RALY: variants seen among roughly 807,000 people sequenced by gnomAD.
RALY encodes the protein RNA-binding protein Raly.
Under a neutral mutation model 30.7 loss-of-function variants are expected in RALY, and 15 were observed. The observed-to-expected ratio is 0.49, with a 90% CI of 0.33 to 0.75. The LOEUF (loss-of-function observed/expected upper bound fraction) is 0.75. Ranked by LOEUF, RALY falls within the 30% of genes least tolerant of loss-of-function variation. RALY has a pLI of 0.02. For missense variants in RALY, 339 were observed against 414.3 expected (o/e 0.82, Z 1.58); for synonymous variants, 177 against 170.8 (o/e 1.04, Z -0.28).
At chr20:33,997,240 G>A (rs569273682) in intron 1 of RALY, among the ~76,000 whole-genome samples, 136 of 152,162 alleles carry the variant, frequency 8.9e-4, no homozygotes, top group Non-Finnish European at 1.6e-3. Flanking sequence ...TCAGCCTCCC[G>A]AGTAGCTGGG....
At chr20:34,007,589 G>A (rs1268664054) in intron 1 of RALY, among the ~76,000 whole-genome samples, 1 of 151,870 alleles carries the variant, frequency 6.6e-6, no homozygotes, top group Non-Finnish European at 1.5e-5. Context: ...GGAGGCCAAG[G>A]AGGGTGGATC....
intron 1 of RALY, among the ~76,000 whole-genome samples, chr20:34,019,859 A>G (rs967401781): frequency 1.2e-3 from 179 of 152,264 alleles, no homozygotes; most frequent in African/African-American, 4.2e-3. Context: ...CAGGAGATCG[A>G]GACCATCCCG....
chr20:34,046,383 G>T (rs2032879864), intron 2 of RALY, among the ~76,000 whole-genome samples: 1 of 152,192 alleles, frequency 6.6e-6, no homozygotes, highest in African/African-American at 2.4e-5. Flanking sequence ...TTTCCTGTTT[G>T]TAAATGAGGC....
chr20:34,035,790 T>G lies in RALY; in HGVS notation c.-10+4186T>G, dbSNP rs530202979. 2.0e-5 allele frequency among the ~76,000 whole-genome samples: 3 copies of G among 152,136 alleles called. No individual in the cohort carries two copies. In the South Asian group the frequency reaches 6.2e-4, roughly 32 times the overall value. ...TTACGTTCTAGTAGAGGAAAGCAGATAAATGAATAAATCTGAAGAAAAATA... is the reference window on the plus strand; with the variant it reads ...TTACGTTCTAGTAGAGGAAAGCAGAGAAATGAATAAATCTGAAGAAAAATA... On this transcript the variant is annotated intron_variant, in intron 2 of 9. Coordinates refer to ENST00000246194, the MANE Select transcript of RALY (RefSeq NM_016732.3).
At chr20:34,021,112 C>A (rs1395724128) in intron 1 of RALY, among the ~76,000 whole-genome samples, 1 of 152,088 alleles carries the variant, frequency 6.6e-6, no homozygotes, top group African/African-American at 2.4e-5. Flanking sequence ...CAGGCGTGCA[C>A]CACCACGCCT....
At chr20:34,042,144 C>T (rs927189156) in intron 2 of RALY, among the ~76,000 whole-genome samples, 1 of 152,038 alleles carries the variant, frequency 6.6e-6, no homozygotes, top group African/African-American at 2.4e-5. Context: ...ACAAAAACAA[C>T]CAAACAGAGC....
At chr20:34,046,554 C>A (rs1212724577) in intron 2 of RALY, among the ~76,000 whole-genome samples, 3 of 152,154 alleles carry the variant, frequency 2.0e-5, no homozygotes, top group African/African-American at 7.2e-5. Context: ...GGTAACATTT[C>A]TTGGGAGGGT....
intron 1 of RALY, among the ~76,000 whole-genome samples, chr20:34,026,816 C>G (rs2032060808): frequency 6.6e-6 from 1 of 152,080 alleles, no homozygotes; most frequent in African/African-American, 2.4e-5. Context: ...AAAAGGACAC[C>G]TTAAGCCAAC....
chr20:34,001,287 T>C (rs375913822), intron 1 of RALY, among the ~76,000 whole-genome samples: 26 of 152,336 alleles, frequency 1.7e-4, no homozygotes, highest in African/African-American at 5.5e-4. Context: ...TTTAAGATTT[T>C]CACACAATGG....
rs147642034 is a variant in RALY at position 34,072,399 on chromosome 20, C to T, written c.256+69C>T. ...GCTGCTATCACTATCCAGTTCTCAA[C>T]CCCCTTCTCTCTTTCTCTCACCGCT... On this transcript the variant is annotated intron_variant, in intron 3 of 9. Transcript: ENST00000246194. 3.0e-5 allele frequency: 46 copies of T among 1,516,838 alleles called. No homozygotes were observed. The African/African-American group carries it at 5.1e-4, about 17-fold the overall frequency. The allele number at this position is 1,516,838 out of a possible 1,614,324, so 94.0% of individuals were successfully genotyped here.
chr20:34,082,567 T>C lies in RALY; in HGVS notation c.*2662T>C, dbSNP rs1180544935. On this transcript the variant is annotated 3_prime_UTR_variant, in exon 10 of 10. Transcript: ENST00000246194. ...AAGATACCTTCAAGGGTAGCAGGCATCAGCTCTACTCACCTTGGCCCATAA... is the reference window on the plus strand; with the variant it reads ...AAGATACCTTCAAGGGTAGCAGGCACCAGCTCTACTCACCTTGGCCCATAA... The C allele has an allele frequency of 6.6e-6, 1 of 152,190 alleles. No homozygotes were observed. The highest frequency in any genetic ancestry group is 2.4e-5 in the African/African-American group (1 of 41,420). The allele number at this position is 152,190 out of a possible 1,614,324, so 9.4% of individuals were successfully genotyped here.
Position 34,072,017 on chromosome 20 carries a change from C to A in RALY, c.-9-49C>A, listed in dbSNP as rs558322920. 23 of 1,593,212 alleles carry A rather than the reference C, an allele frequency of 1.4e-5. No homozygotes were observed. The East Asian group carries it at 5.1e-4, about 36-fold the overall frequency. On this transcript the variant is annotated intron_variant, in intron 2 of 9. Transcript: ENST00000246194. ...TCCAGGATATGGGCCGTGGGCAGTC[C>A]TTGAGCCCAGCCCAGGGACCCAGCT... is the stretch of plus-strand genomic sequence containing the variant.
chr20:34,001,440 T>A (rs911247968), intron 1 of RALY, among the ~76,000 whole-genome samples: 2 of 152,210 alleles, frequency 1.3e-5, no homozygotes, highest in Non-Finnish European at 2.9e-5. Flanking sequence ...AAGGTAAGAC[T>A]CATTGCTTTA....
chr20:34,081,588 C>T lies in RALY; in HGVS notation c.*1683C>T, dbSNP rs990822095. 4 of 152,280 alleles carry T rather than the reference C, an allele frequency of 2.6e-5. No homozygotes were observed. Among genetic ancestry groups the T allele is most frequent in the African/African-American group, 9.6e-5 (4 of 41,462 alleles). 9.4% of individuals were successfully genotyped at this position (152,280 alleles called of 1,614,324 possible). On this transcript the variant is annotated 3_prime_UTR_variant, in exon 10 of 10. Coordinates refer to ENST00000246194, the MANE Select transcript of RALY (RefSeq NM_016732.3). ...CATTTCAAACCAACCCGGTCTACAG[C>T]CTCCAGGGAAGCTTCCTCCTGGGCT...
chr20:34,047,156 C>T (rs1171460976), intron 2 of RALY, among the ~76,000 whole-genome samples: 1 of 152,008 alleles, frequency 6.6e-6, no homozygotes, highest in Non-Finnish European at 1.5e-5. Context: ...ACACTAGAGC[C>T]CTAAAATTCA....
At position 34,055,040 on chromosome 20, in the gene RALY, A is replaced by T. The variant is rs1278277333; in HGVS notation, c.-9-17026A>T. Among the ~76,000 whole-genome samples the T allele has an allele frequency of 2.6e-5, 4 of 152,182 alleles. No individual in the cohort carries two copies. The East Asian group carries it at 7.7e-4, about 29-fold the overall frequency. On this transcript the variant is annotated intron_variant, in intron 2 of 9. Coordinates refer to ENST00000246194, the MANE Select transcript of RALY (RefSeq NM_016732.3). The stretch of plus-strand genomic sequence containing the variant: ...CTCACAACAGCCTTATGGAGAAAGT[A>T]CTGTAATATTATTCCCATTTTTACA...
At chr20:34,042,564 C>G (rs1193574506) in intron 2 of RALY, among the ~76,000 whole-genome samples, 1 of 152,158 alleles carries the variant, frequency 6.6e-6, no homozygotes, top group Non-Finnish European at 1.5e-5. Flanking sequence ...AATGTGTGTA[C>G]CTCGTCAGGG....
chr20:34,035,152 CAAAAAAAAAAAAAAAAAAAAA>C (rs61301033), intron 2 of RALY, among the ~76,000 whole-genome samples: 93 of 32,532 alleles, frequency 2.9e-3, no homozygotes, highest in Non-Finnish European at 6.7e-3. Flanking sequence ...GACTCCATCT[CAAAAAAAAAAAAAAAAAAAAA>C]AAAAAAAAAA....
chr20:34,026,495 C>T (rs762820681), intron 1 of RALY, among the ~76,000 whole-genome samples: 98 of 151,634 alleles, frequency 6.5e-4, no homozygotes, highest in Middle Eastern at 3.4e-3. Context: ...CTCCGCCTCC[C>T]GGGTTCACGC....
Sources: allele counts gnomAD v4.1 joint callset (sites outside exome capture counted in the v4.1 genomes callset), GRCh38; gene constraint gnomAD v4.1.1; transcripts MANE v1.5; gene names NCBI Gene and HGNC (gene_info 2026-07-23, HGNC 2026-07-21).